PPP2R5A: variants seen among roughly 807,000 people sequenced by gnomAD.
The protein encoded by PPP2R5A is protein phosphatase 2 regulatory subunit B'alpha.
PPP2R5A carries 25 observed loss-of-function variants against 64.2 expected under a neutral mutation model. The observed-to-expected ratio is 0.39, with a 90% CI of 0.28 to 0.54. The LOEUF is 0.54. PPP2R5A is among the 20% of genes least tolerant of loss of function. The pLI is 0.67. For synonymous variants in PPP2R5A, 198 were observed against 201.2 expected (o/e 0.98, Z 0.13); for missense variants, 425 against 576.3 (o/e 0.74, Z 2.69).
intron 12 of PPP2R5A, among the ~76,000 whole-genome samples, chr1:212,360,383 C>T (rs1425833439): frequency 6.6e-6 from 1 of 152,166 alleles, no homozygotes; most frequent in Non-Finnish European, 1.5e-5. Context: ...AGTACAGTGT[C>T]ATGGTAGTGA....
chr1:212,360,501 A>C (rs1660060558), intron 12 of PPP2R5A, 137 bp from the exon 13 acceptor site: 2 of 679,100 alleles, frequency 2.9e-6, no homozygotes, highest in African/African-American at 3.7e-5. Context: ...GCTCCAGGTA[A>C]GTGGACTCCA....
intron 1 of PPP2R5A, among the ~76,000 whole-genome samples, chr1:212,313,010 T>TA (rs1659067492): frequency 2.0e-5 from 3 of 152,238 alleles, no homozygotes; most frequent in Non-Finnish European, 4.4e-5. Flanking sequence ...CTTCTCTGTA[T>TA]AGTTGCCTTC....
chr1:212,351,569 C>A (rs1169803546), intron 8 of PPP2R5A, among the ~76,000 whole-genome samples: 1 of 151,968 alleles, frequency 6.6e-6, no homozygotes, highest in Non-Finnish European at 1.5e-5. Context: ...CAAAAATTAG[C>A]CGGGCGTGAT....
Position 212,329,147 on chromosome 1 carries a change from A to G in PPP2R5A, c.194A>G (p.Asn65Ser), listed in dbSNP as rs767719968. The change falls in exon 2 of 13, where the codon AAT becomes AGT. Residue 65 changes from asparagine to serine, a missense_variant. Physicochemically the swap from Asn to Ser is conservative, Grantham distance 46. Coordinates refer to ENST00000261461, the MANE Select transcript of PPP2R5A (RefSeq NM_006243.4). The part of the protein sequence containing the change: ...PLPQLKDATS[N>S]EQQELFCQKL... ...TTTTTATTTATAGATGCCACTTCAA[A>G]TGAACAACAAGAGCTTTTCTGTCAG... is the stretch of plus-strand genomic sequence containing the variant. 4.6e-6 allele frequency: 7 copies of G among 1,507,254 alleles called. No homozygotes were observed. The highest frequency in any genetic ancestry group is 2.2e-5 in the Admixed American group (1 of 45,130). 93.4% of individuals were successfully genotyped at this position (1,507,254 alleles called of 1,614,324 possible).
rs149153742 is a variant in PPP2R5A at position 212,305,841 on chromosome 1, A to T, written c.181+19550A>T. Among the ~76,000 whole-genome samples the T allele has an allele frequency of 1.2e-3, 185 of 152,294 alleles. 1 individual carries two copies. Among genetic ancestry groups the T allele is most frequent in the Middle Eastern group, 3.4e-3 (1 of 294 alleles). On this transcript the variant is annotated intron_variant, in intron 1 of 12. Coordinates refer to ENST00000261461, the MANE Select transcript of PPP2R5A (RefSeq NM_006243.4). ...AGATAAAGAGTATCTTTATATAATG[A>T]TATTTATATCTAAATAAGATATAAA...
chr1:212,333,610 A>G lies in PPP2R5A; in HGVS notation c.480+12A>G, dbSNP rs1356152952. 7.0e-7 allele frequency: 1 copy of G among 1,419,006 alleles called. No individual in the cohort carries two copies. The highest frequency in any genetic ancestry group is 9.6e-7 in the Non-Finnish European group (1 of 1,043,108). The allele number at this position is 1,419,006 out of a possible 1,614,324, so 87.9% of individuals were successfully genotyped here. ...GGCCTCACATACAGGTATGGAACAT[A>G]ATTACGTATTGGCAGTTTTTATATT... is the stretch of plus-strand genomic sequence containing the variant. On this transcript the variant is annotated intron_variant, in intron 3 of 12. Transcript: ENST00000261461.
intron 1 of PPP2R5A, among the ~76,000 whole-genome samples, chr1:212,320,678 C>T (rs1327587179): frequency 7.1e-5 from 9 of 126,428 alleles, no homozygotes; most frequent in Non-Finnish European, 1.2e-4. Flanking sequence ...GCTGGCCGGG[C>T]GGGGGGCTGA....
chr1:212,304,290 C>T (rs941699348), intron 1 of PPP2R5A, among the ~76,000 whole-genome samples: 2 of 152,062 alleles, frequency 1.3e-5, no homozygotes, highest in East Asian at 1.9e-4. Context: ...CGGTGGCTCT[C>T]CTATAATGCC....
chr1:212,298,886 C>CCA (rs1558139242), intron 1 of PPP2R5A, among the ~76,000 whole-genome samples: 26 of 39,816 alleles, frequency 6.5e-4, no homozygotes, highest in Non-Finnish European at 7.1e-4. Context: ...GGGCTGACCC[C>CCA]CCACCTCCCT....
chr1:212,322,257 G>T (rs1659317989), intron 1 of PPP2R5A, among the ~76,000 whole-genome samples: 1 of 109,478 alleles, frequency 9.1e-6, no homozygotes, highest in Non-Finnish European at 1.9e-5. Flanking sequence ...GGGAGAGGGA[G>T]AGGGAGAGGA....
chr1:212,329,239 A>G lies in PPP2R5A; in HGVS notation c.286A>G (p.Ile96Val), dbSNP rs371438723. ...DSVSDLKSKE[I>V]KRATLNELVE... ...TGTTTCAGACTTGAAGAGCAAAGAA[A>G]TTAAAAGAGCAACACTGAATGAACT... The change falls in exon 2 of 13, where the codon ATT becomes GTT. Residue 96 changes from isoleucine (I) to valine (V), a missense_variant. Physicochemically the swap from Ile to Val is conservative, Grantham distance 29 (BLOSUM62 3). Coordinates refer to ENST00000261461, the MANE Select transcript of PPP2R5A (RefSeq NM_006243.4). 38 of 1,613,566 alleles carry G rather than the reference A, an allele frequency of 2.4e-5. No homozygotes were observed. The highest frequency in any genetic ancestry group is 2.9e-5 in the Non-Finnish European group (34 of 1,179,814).
intron 9 of PPP2R5A, 63 bp from the exon 10 acceptor site, chr1:212,356,887 T>C (rs767103000): frequency 2.5e-5 from 34 of 1,387,696 alleles, no homozygotes; most frequent in Non-Finnish European, 2.7e-5. Context: ...CTCATTTGTA[T>C]GGTTTCTATA....
intron 8 of PPP2R5A, among the ~76,000 whole-genome samples, chr1:212,355,330 TA>T (rs796433649): frequency 1.3e-5 from 2 of 152,266 alleles, no homozygotes; most frequent in African/African-American, 4.8e-5. Flanking sequence ...GTTACACAAA[TA>T]AGTGTAATTC....
intron 4 of PPP2R5A, among the ~76,000 whole-genome samples, chr1:212,343,622 T>C (rs558270858): frequency 6.6e-6 from 1 of 152,344 alleles, no homozygotes; most frequent in African/African-American, 2.4e-5. Flanking sequence ...TAAAGAAATA[T>C]TAGGTGTGTA....
intron 2 of PPP2R5A, among the ~76,000 whole-genome samples, chr1:212,333,140 C>T (rs1249798516): frequency 6.6e-6 from 1 of 152,058 alleles, no homozygotes; most frequent in Non-Finnish European, 1.5e-5. Context: ...TGACCTCAGA[C>T]AGTCTGCCCC....
chr1:212,308,948 C>G (rs1658971804), intron 1 of PPP2R5A: 1 of 556,952 alleles, frequency 1.8e-6, no homozygotes, highest in Admixed American at 3.1e-5. Context: ...AATTCTATCT[C>G]TTTATGATAT....
chr1:212,352,454 G>GTT, intron 8 of PPP2R5A, among the ~76,000 whole-genome samples: 1 of 142,524 alleles, frequency 7.0e-6, no homozygotes, highest in African/African-American at 2.6e-5. Flanking sequence ...TGTGTTTTGG[G>GTT]TTTTTTTTTT....
chr1:212,289,505 G>T (rs1171537960), intron 1 of PPP2R5A, among the ~76,000 whole-genome samples: 2 of 152,172 alleles, frequency 1.3e-5, no homozygotes, highest in Non-Finnish European at 2.9e-5. Context: ...TAGGTCAAAT[G>T]ATTTCAGTAT....
chr1:212,341,226 C>T (rs1000014943), intron 3 of PPP2R5A, among the ~76,000 whole-genome samples: 1 of 152,098 alleles, frequency 6.6e-6, no homozygotes, highest in Non-Finnish European at 1.5e-5. Context: ...TTGTAGGTTG[C>T]TTGGCACTTT....
Sources: allele counts gnomAD v4.1 joint callset (sites outside exome capture counted in the v4.1 genomes callset), GRCh38; gene constraint gnomAD v4.1.1; transcripts MANE v1.5; gene names NCBI Gene and HGNC (gene_info 2026-07-23, HGNC 2026-07-21).